Variants in SH3GL3 observed in about 807,000 individuals in gnomAD.
SH3GL3 encodes SH3 domain containing GRB2 like 3, endophilin A3.
In SH3GL3, 33 loss-of-function variants were observed where a neutral mutation model predicts 47.7. The observed-to-expected ratio is 0.69, with a 90% CI of 0.52 to 0.92. The LOEUF (loss-of-function observed/expected upper bound fraction) is 0.92. SH3GL3 is among the 40% of genes least tolerant of loss of function. The pLI, the probability that SH3GL3 is intolerant of heterozygous loss-of-function variation, is 0.00. For missense variants in SH3GL3, 363 were observed against 417.8 expected (o/e 0.87, Z 1.14); for synonymous variants, 155 against 148.8 (o/e 1.04, Z -0.30).
At chr15:83,469,831 G>T (rs2040748717) in intron 1 of SH3GL3, among the ~76,000 whole-genome samples, 1 of 152,092 alleles carries the variant, frequency 6.6e-6, no homozygotes, top group Non-Finnish European at 1.5e-5. Flanking sequence ...ATATTGATTA[G>T]CTCTTTTTGG....
At chr15:83,449,889 G>T (rs1164483141) in intron 1 of SH3GL3, among the ~76,000 whole-genome samples, 1 of 152,140 alleles carries the variant, frequency 6.6e-6, no homozygotes, top group Non-Finnish European at 1.5e-5. Context: ...GCAACAATTT[G>T]GTGGAGAAAT....
chr15:83,588,773 TA>T lies in SH3GL3; in HGVS notation c.838+4del. Reference sequence around the variant, plus strand: ...CCACCTCTGTAGTGAAGACGACAGGTAAGTTGACCATTCTAATATGCTAAGT... The same window carrying T: ...CCACCTCTGTAGTGAAGACGACAGGTAGTTGACCATTCTAATATGCTAAGT... On this transcript the variant is annotated splice_donor_region_variant and intron_variant, in intron 8 of 8. Transcript: ENST00000427482. The T allele has an allele frequency of 1.3e-6, 2 of 1,490,948 alleles. No homozygotes were observed. The highest frequency in any genetic ancestry group is 1.1e-5 in the South Asian group (1 of 88,458). The allele number at this position is 1,490,948 out of a possible 1,614,324, so 92.4% of individuals were successfully genotyped here.
the SH3GL3 span, among the ~76,000 whole-genome samples, chr15:83,628,043 A>G: frequency 6.6e-6 from 1 of 152,184 alleles, no homozygotes; most frequent in African/African-American, 2.4e-5. Flanking sequence ...ACAGGGACAG[A>G]GCCTATAACA....
intron 1 of SH3GL3, among the ~76,000 whole-genome samples, chr15:83,529,327 G>A (rs1375383911): frequency 1.3e-5 from 2 of 152,218 alleles, no homozygotes; most frequent in East Asian, 3.9e-4. Context: ...AGTGGCAGCA[G>A]TGGGCTGGAT....
At chr15:83,458,676 A>G (rs187256248) in intron 1 of SH3GL3, among the ~76,000 whole-genome samples, 2 of 152,230 alleles carry the variant, frequency 1.3e-5, no homozygotes, top group Non-Finnish European at 2.9e-5. Flanking sequence ...GTGCTTCTCC[A>G]GTGCAACAGT....
rs373378258 is a variant in SH3GL3 at position 83,588,691 on chromosome 15, G to A, written c.758G>A (p.Arg253Gln). ...RISAASSVPR[R>Q]EYKPRPVKRS... is the part of the protein sequence containing the mutation. ...TCAGCTGCATCCAGTGTCCCCAGAC[G>A]AGAATACAAGCCAAGGCCTGTGAAA... Residue 253 changes from arginine to glutamine, a missense_variant, in exon 8 of 9, where the codon CGA becomes CAA. Arg to Gln is a conservative substitution (Grantham distance 43, BLOSUM62 1). Transcript: ENST00000427482. 34 of 1,611,682 alleles carry A rather than the reference G, an allele frequency of 2.1e-5. 1 individual carries two copies. The South Asian group carries it at 2.9e-4, about 14-fold the overall frequency.
chr15:83,448,442 A>ATATG lies in SH3GL3; in HGVS notation c.45+865_45+866insATGT, dbSNP rs889490134. ...AAACAGGAGGGGAGACATGAAATTG[A>ATATG]TGTGTGTGTGTGTGTGTGTGTGTGT... On this transcript the variant is annotated intron_variant, in intron 1 of 8. Transcript: ENST00000427482. The surrounding 1 kb of genome is among the most constrained non-coding windows in gnomAD (Gnocchi z 4.2). Among the ~76,000 whole-genome samples, 5 of 140,740 alleles carry ATATG rather than the reference A, an allele frequency of 3.6e-5. No individual in the cohort carries two copies. In the East Asian group the frequency reaches 1.1e-3, roughly 30 times the overall value. The allele number at this position is 140,740 out of a possible 152,430, so 92.3% of individuals were successfully genotyped here. A position where few individuals can be genotyped will look rare whatever the true frequency, so the allele number is the denominator to read the frequency against.
At position 83,588,648 on chromosome 15, in the gene SH3GL3, G is replaced by A. The variant is rs773571225; in HGVS notation, c.729-14G>A. The A allele has an allele frequency of 5.4e-6, 8 of 1,491,848 alleles. No homozygotes were observed. The highest frequency in any genetic ancestry group is 4.5e-5 in the East Asian group (2 of 44,288). The allele number at this position is 1,491,848 out of a possible 1,614,324, so 92.4% of individuals were successfully genotyped here. A position where few individuals can be genotyped will look rare whatever the true frequency, so the allele number is the denominator to read the frequency against. Reference sequence around the variant, plus strand: ...ACATCAGATGTCTGGCTCATCTTACGATGTGTGTTACAGAATATCAGCTGC... The same window carrying A: ...ACATCAGATGTCTGGCTCATCTTACAATGTGTGTTACAGAATATCAGCTGC... On this transcript the variant is annotated splice_polypyrimidine_tract_variant and intron_variant, in intron 7 of 8. Transcript: ENST00000427482.
chr15:83,547,233 C>T (rs914826315), intron 1 of SH3GL3, among the ~76,000 whole-genome samples: 4 of 152,170 alleles, frequency 2.6e-5, no homozygotes, highest in African/African-American at 9.7e-5. Flanking sequence ...TTTCTGACTG[C>T]TGGGATGGAC....
chr15:83,579,190 C>T (rs1377372553), intron 6 of SH3GL3, among the ~76,000 whole-genome samples: 1 of 152,236 alleles, frequency 6.6e-6, no homozygotes, highest in Non-Finnish European at 1.5e-5. Flanking sequence ...TAAGTCCTCC[C>T]ACCCTGCCCC....
At chr15:83,493,687 A>G (rs540161268) in intron 1 of SH3GL3, among the ~76,000 whole-genome samples, 11 of 147,702 alleles carry the variant, frequency 7.4e-5, no homozygotes, top group African/African-American at 2.7e-4. Flanking sequence ...CTCTGGTTCT[A>G]TTGCAGCAAC....
chr15:83,589,980 G>GA (rs2060052560), intron 8 of SH3GL3, among the ~76,000 whole-genome samples: 1 of 151,902 alleles, frequency 6.6e-6, no homozygotes, highest in Non-Finnish European at 1.5e-5. Context: ...GCACTCATGA[G>GA]AAAAAAATGG....
intron 1 of SH3GL3, among the ~76,000 whole-genome samples, chr15:83,490,039 G>A (rs2151578971): frequency 6.6e-6 from 1 of 152,314 alleles, no homozygotes; most frequent in East Asian, 1.9e-4. Context: ...TGCCAGGCAG[G>A]GGGAATCACA....
At chr15:83,489,039 T>G (rs2041743129) in intron 1 of SH3GL3, 1 of 152,224 alleles carries the variant, frequency 6.6e-6, no homozygotes, top group African/African-American at 2.4e-5. Flanking sequence ...GAGTCCAGCA[T>G]TGCTTGTGCT....
chr15:83,551,886 A>T (rs983495535), intron 1 of SH3GL3, among the ~76,000 whole-genome samples: 8 of 151,366 alleles, frequency 5.3e-5, no homozygotes, highest in African/African-American at 1.7e-4. Context: ...ATCTATTTGG[A>T]CTCTCTATTT....
chr15:83,623,890 AT>A, the SH3GL3 span, among the ~76,000 whole-genome samples: 1 of 151,898 alleles, frequency 6.6e-6, no homozygotes, highest in African/African-American at 2.4e-5. Flanking sequence ...GGCTCAAGTG[AT>A]TCTCCTGCCT....
chr15:83,462,740 A>C (rs549764587), intron 1 of SH3GL3, among the ~76,000 whole-genome samples: 48 of 152,348 alleles, frequency 3.2e-4, no homozygotes, highest in African/African-American at 8.4e-4. Context: ...TAGTGTCTTA[A>C]AATGATAGCC....
intron 8 of SH3GL3, among the ~76,000 whole-genome samples, chr15:83,597,315 C>A (rs2060260151): frequency 2.0e-5 from 3 of 152,160 alleles, no homozygotes; most frequent in African/African-American, 7.2e-5. Context: ...CTTATAAGGA[C>A]CCTTGTGATT....
chr15:83,508,865 A>G (rs2042628259), intron 1 of SH3GL3, among the ~76,000 whole-genome samples: 1 of 152,122 alleles, frequency 6.6e-6, no homozygotes, highest in Admixed American at 6.5e-5. Context: ...AAGGGCTCGG[A>G]TTACAGGCGT....
Sources: allele counts gnomAD v4.1 joint callset (sites outside exome capture counted in the v4.1 genomes callset), GRCh38; gene constraint gnomAD v4.1.1; non-coding constraint Gnocchi (gnomAD v3.1); transcripts MANE v1.5; gene names NCBI Gene and HGNC (gene_info 2026-07-23, HGNC 2026-07-21).